Variants in REC8 observed in about 807,000 individuals in gnomAD.
REC8 encodes the protein meiotic recombination protein REC8 homolog.
REC8 carries 42 observed loss-of-function variants against 78.3 expected under a neutral mutation model. The observed-to-expected ratio is 0.54, with a 90% CI of 0.42 to 0.69. The LOEUF (loss-of-function observed/expected upper bound fraction) is 0.69, where lower values mean the gene tolerates loss of function less well. Among genes scored for constraint, REC8 ranks in the 30% least tolerant of loss-of-function variants. The pLI, the probability that REC8 is intolerant of heterozygous loss-of-function variation, is 0.00. For synonymous variants in REC8, 268 were observed against 274.1 expected, an observed-to-expected ratio of 0.98 and a Z score of 0.22; for missense variants, 581 against 715.8, an observed-to-expected ratio of 0.81 and a Z score of 2.15.
At position 24,175,656 on chromosome 14, in the gene REC8, G is replaced by A. The variant is rs774386032; in HGVS notation, c.544+32G>A. On this transcript the variant is annotated intron_variant, in intron 6 of 18. Coordinates refer to ENST00000611366, the MANE Select transcript of REC8 (RefSeq NM_001048205.2). ...AGAGAGAACCTTCTTTCTGGTGAGA[G>A]GCATAGGCAGGCCCAAGAGCTGTAG... The A allele has an allele frequency of 1.2e-5, 18 of 1,531,648 alleles. No individual in the cohort carries two copies. In the East Asian group the frequency reaches 3.8e-4, roughly 33 times the overall value. 94.9% of individuals were successfully genotyped at this position (1,531,648 alleles called of 1,614,324 possible).
In REC8 at chr14:24,178,128, G is replaced by T. The variant is rs145684232; in HGVS notation, c.902G>T (p.Arg301Leu). 1.2e-3 allele frequency: 2,009 copies of T among 1,613,820 alleles called. 17 individuals carry two copies. The African/African-American group carries it at 0.024, about 19-fold the overall frequency. The change falls in exon 12 of 19, where the codon CGT (arginine) becomes CTT (leucine). Residue 301 changes from arginine (R) to leucine (L), a missense_variant. Arg to Leu is a moderately radical substitution (Grantham distance 102). Coordinates refer to ENST00000611366, the MANE Select transcript of REC8 (RefSeq NM_001048205.2). ...GTCCCCCCACCTCCTCGCCGCCGCC[G>T]TCGTCGCCGGTTACTGTTCTGGGAC... ...PPVPPPPRRR[R>L]RRRLLFWDKE...
intron 11 of REC8, 71 bp downstream of exon 11, chr14:24,177,829 C>A: frequency 6.7e-7 from 1 of 1,498,892 alleles, no homozygotes; most frequent in Non-Finnish European, 8.9e-7. Flanking sequence ...CCTCCCCAAG[C>A]CCAGGGCCAC....
At chr14:24,180,316 A>G, downstream of REC8, 1 of 1,504,082 alleles carries the variant, frequency 6.6e-7, no homozygotes, top group South Asian at 1.3e-5. Flanking sequence ...TAAGGCAGCA[A>G]GTGGGGCTGG....
At chr14:24,176,246 G>A (rs971393834) in intron 6 of REC8, among the ~76,000 whole-genome samples, 2 of 150,898 alleles carry the variant, frequency 1.3e-5, no homozygotes, top group African/African-American at 4.9e-5. Flanking sequence ...TAGTAGAGAT[G>A]GGTTTTTGCC....
Position 24,172,491 on chromosome 14 carries a change from G to C in REC8, c.-62G>C. On this transcript the variant is annotated 5_prime_UTR_variant, in exon 1 of 19. Coordinates refer to ENST00000611366, the MANE Select transcript of REC8 (RefSeq NM_001048205.2). ...GGTGTTGGGAATTCTGTGCCCTAAA[G>C]AATTCCGACTCAGATCCGAACGGGG... The C allele has an allele frequency of 6.5e-7, 1 of 1,540,362 alleles. No individual in the cohort carries two copies.
rs2038929695 is a variant in REC8 at position 24,177,088 on chromosome 14, CT to C, written c.625-48del. 3.2e-6 allele frequency: 5 copies of C among 1,577,492 alleles called. No individual in the cohort carries two copies. The East Asian group carries it at 1.1e-4, about 35-fold the overall frequency. On this transcript the variant is annotated intron_variant, in intron 7 of 18. Transcript: ENST00000611366. Reference sequence around the variant, plus strand: ...GATCCACTCTCCTGGATCCACTTGCCTTTTTCAGAAATATTATTGAATCCCC... The same window carrying C: ...GATCCACTCTCCTGGATCCACTTGCCTTTTCAGAAATATTATTGAATCCCC...
At chr14:24,175,337 T>C in intron 5 of REC8, 2 of 510,056 alleles carry the variant, frequency 3.9e-6, no homozygotes, top group Non-Finnish European at 7.1e-6. Context: ...GCTAGATAAC[T>C]GGGGTGCGGG....
chr14:24,172,133 A>G lies in REC8; in HGVS notation c.-420A>G, dbSNP rs2038696069. On this transcript the variant is annotated 5_prime_UTR_variant, in exon 1 of 19. Transcript: ENST00000611366. ...ACACCGCGGCCGCCCAAGCCAGTGCAAGGCCCAGGGGCCTGACATCGCTCC... is the reference window on the plus strand; with the variant it reads ...ACACCGCGGCCGCCCAAGCCAGTGCGAGGCCCAGGGGCCTGACATCGCTCC... 5.5e-6 allele frequency: 1 copy of G among 182,416 alleles called. No individual in the cohort carries two copies. Among genetic ancestry groups the G allele is most frequent in the Non-Finnish European group, 1.1e-5 (1 of 87,650 alleles). 11.3% of individuals were successfully genotyped at this position (182,416 alleles called of 1,614,324 possible). A position where few individuals can be genotyped will look rare whatever the true frequency, so the allele number is the denominator to read the frequency against.
Position 24,178,096 on chromosome 14 carries a change from G to A in REC8, c.870G>A (p.Arg290=), listed in dbSNP as rs2038980750. ...CTGCCCTCCCCACTCAACAGAGGAG[G>A]CCCCCAGTCCCCCCACCTCCTCGCC... ...RLPAPPSPER[R]PPVPPPPRRR... is the part of the protein sequence containing the mutation. Residue 290 remains arginine (R), a synonymous_variant, in exon 12 of 19, where the codon AGG becomes AGA. Transcript: ENST00000611366. 1 of 1,612,802 alleles carries A rather than the reference G, an allele frequency of 6.2e-7. No homozygotes were observed. Among genetic ancestry groups the A allele is most frequent in the African/African-American group, 1.3e-5 (1 of 74,868 alleles).
rs1417532030 is a variant in REC8, at chr14:24,178,680, T to C, written c.1063+8T>C. On this transcript the variant is annotated splice_region_variant and intron_variant, in intron 13 of 18. Coordinates refer to ENST00000611366, the MANE Select transcript of REC8 (RefSeq NM_001048205.2). ...TCAGAACCCCAACTCTCTGTAAGAA[T>C]GGTGGGGGTTGGGCACGAAGTATCC... 8 of 1,613,852 alleles carry C rather than the reference T, an allele frequency of 5.0e-6. No individual in the cohort carries two copies. In the African/African-American group the frequency reaches 1.1e-4, roughly 22 times the overall value.
At chr14:24,180,862 TGCACCTGGTACTGATTCACAG>T, downstream of REC8, 2 of 864,856 alleles carry the variant, frequency 2.3e-6, no homozygotes, top group Non-Finnish European at 1.8e-6. Context: ...GGGGGGTGGT[TGCACCTGGTACTGATTCACAG>T]GCATCCAAGA....
In REC8 at chr14:24,175,588, A is replaced by T. The variant is rs1566631225; in HGVS notation, c.508A>T (p.Ile170Phe). The change falls in exon 6 of 19, where the codon ATC (isoleucine) becomes TTC (phenylalanine). Residue 170 changes from isoleucine (I) to phenylalanine (F), a missense_variant. By Grantham distance (21) the Ile-to-Phe change is conservative. Coordinates refer to ENST00000611366, the MANE Select transcript of REC8 (RefSeq NM_001048205.2). ...TGCAATCCCAGAGAGAGTTGAAGAGATCCCTCCTGAAGTTCCTACAGAGCC... is the reference window on the plus strand; with the variant it reads ...TGCAATCCCAGAGAGAGTTGAAGAGTTCCCTCCTGAAGTTCCTACAGAGCC... ...EAAIPERVEE[I>F]PPEVPTEPRE... 1 of 1,614,038 alleles carries T rather than the reference A, an allele frequency of 6.2e-7. No homozygotes were observed. The highest frequency in any genetic ancestry group is 2.2e-5 in the East Asian group (1 of 44,886).
chr14:24,172,262 T>G lies in REC8; in HGVS notation c.-291T>G, dbSNP rs2038701357. The G allele has an allele frequency of 2.1e-6, 1 of 480,236 alleles. No homozygotes were observed. The highest frequency in any genetic ancestry group is 2.0e-5 in the African/African-American group (1 of 51,066). The allele number at this position is 480,236 out of a possible 1,614,324, so 29.7% of individuals were successfully genotyped here. A position where few individuals can be genotyped will look rare whatever the true frequency, so the allele number is the denominator to read the frequency against. ...CCCTTGGAGCTCTGCATCTCCAACC[T>G]GGAACCCAACCCAGAAGTCTCAAGT... On this transcript the variant is annotated 5_prime_UTR_variant, in exon 1 of 19. Coordinates refer to ENST00000611366, the MANE Select transcript of REC8 (RefSeq NM_001048205.2).
chr14:24,175,417 A>T, intron 5 of REC8, 126 bp from the exon 6 acceptor site: 1 of 737,172 alleles, frequency 1.4e-6, no homozygotes, highest in Non-Finnish European at 2.4e-6. Context: ...CTGCAAGCTG[A>T]TGTCAATGCA....
intron 2 of REC8, 46 bp from the exon 3 acceptor site, chr14:24,172,853 G>A (rs1375413194): frequency 6.2e-7 from 1 of 1,613,564 alleles, no homozygotes; most frequent in African/African-American, 1.3e-5. Flanking sequence ...CAAGACTGTG[G>A]GCCCACTCCT....
intron 12 of REC8, 73 bp from the exon 13 acceptor site, chr14:24,178,533 T>A: frequency 6.7e-7 from 1 of 1,493,436 alleles, no homozygotes; most frequent in East Asian, 2.3e-5. Context: ...GAACAGTGCA[T>A]TGCAAAGAGG....
At chr14:24,179,752 G>A in intron 17 of REC8, 26 bp downstream of exon 17, 2 of 1,614,180 alleles carry the variant, frequency 1.2e-6, no homozygotes, top group South Asian at 2.2e-5. Context: ...CACCTTGATG[G>A]GGTGGACCCG....
intron 7 of REC8, 69 bp downstream of exon 7, chr14:24,176,970 C>G: frequency 7.0e-7 from 1 of 1,426,110 alleles, no homozygotes; most frequent in South Asian, 1.2e-5. Flanking sequence ...TCCCCAGAGT[C>G]CTGCCTTTTC....
chr14:24,179,519 A>G (rs1472588723), intron 16 of REC8, 56 bp downstream of exon 16: 2 of 1,613,760 alleles, frequency 1.2e-6, no homozygotes, highest in East Asian at 2.2e-5. Flanking sequence ...CAGGTGGTGG[A>G]AACAGCTGCT....
Sources: allele counts gnomAD v4.1 joint callset (sites outside exome capture counted in the v4.1 genomes callset), GRCh38; gene constraint gnomAD v4.1.1; transcripts MANE v1.5; gene names NCBI Gene and HGNC (gene_info 2026-07-23, HGNC 2026-07-21).